SLCO3A1: variants seen among roughly 807,000 people sequenced by gnomAD.
SLCO3A1 encodes solute carrier organic anion transporter family member 3A1.
A neutral mutation model predicts 63.1 loss-of-function variants in SLCO3A1; 27 were observed. The observed-to-expected ratio is 0.43, with a 90% CI of 0.32 to 0.59. The LOEUF (loss-of-function observed/expected upper bound fraction) is 0.59. SLCO3A1 is among the 20% of genes least tolerant of loss of function. The probability of loss-of-function intolerance (pLI) is 0.09; values close to 1 mark genes in which losing one functional copy is unlikely to be tolerated. For synonymous variants in SLCO3A1, 473 were observed against 409.9 expected, an observed-to-expected ratio of 1.15 and a Z score of -1.86; for missense variants, 773 against 945.8, an observed-to-expected ratio of 0.82 and a Z score of 2.40.
chr15:92,030,079 C>T (rs941545212), intron 2 of SLCO3A1, among the ~76,000 whole-genome samples: 3 of 152,178 alleles, frequency 2.0e-5, no homozygotes, highest in African/African-American at 4.8e-5. Context: ...ATCTTGAACA[C>T]GGGCTCTGCC....
intron 2 of SLCO3A1, among the ~76,000 whole-genome samples, chr15:92,048,766 C>T (rs935476195): frequency 6.6e-5 from 10 of 152,096 alleles, no homozygotes; most frequent in African/African-American, 2.2e-4. Context: ...AGGCTAGTGG[C>T]GGGCACCTGT....
In SLCO3A1 at chr15:92,171,917, C is replaced by T; in HGVS notation, c.*55C>T. On this transcript the variant is annotated 3_prime_UTR_variant, in exon 11 of 11. Coordinates refer to the SLCO3A1 transcript ENST00000424469. Reference sequence around the variant, plus strand: ...GAACAGCCCACCACCACCCACAGACCTCGCGGGCCTCACTTAGCGCGCTCC... The same window carrying T: ...GAACAGCCCACCACCACCCACAGACTTCGCGGGCCTCACTTAGCGCGCTCC... 3.7e-6 allele frequency: 5 copies of T among 1,336,404 alleles called. No homozygotes were observed. In the Admixed American group the frequency reaches 9.9e-5, roughly 26 times the overall value. 82.8% of individuals were successfully genotyped at this position (1,336,404 alleles called of 1,614,324 possible).
rs1257148195 is a variant in SLCO3A1, at chr15:92,162,487, C to G, written c.1754-269C>G. 5.2e-5 allele frequency: 21 copies of G among 406,104 alleles called. No homozygotes were observed. The East Asian group carries it at 8.1e-4, about 16-fold the overall frequency. 25.2% of individuals were successfully genotyped at this position (406,104 alleles called of 1,614,324 possible). A position where few individuals can be genotyped will look rare whatever the true frequency, so the allele number is the denominator to read the frequency against. ...GTGTAAAGTTAGTCTTCACAGCCAT[C>G]TGGTGAAGACTGTAGTATTATCATC... On this transcript the variant is annotated intron_variant, in intron 9 of 9. Coordinates refer to ENST00000318445, the MANE Select transcript of SLCO3A1 (RefSeq NM_013272.4).
At chr15:91,901,173 C>A (rs1166117617) in intron 1 of SLCO3A1, among the ~76,000 whole-genome samples, 1 of 152,066 alleles carries the variant, frequency 6.6e-6, no homozygotes, top group Non-Finnish European at 1.5e-5. Context: ...TTAGTGATTG[C>A]ATGTATGATA....
chr15:91,947,330 T>C (rs959821635), intron 2 of SLCO3A1, among the ~76,000 whole-genome samples: 2 of 152,220 alleles, frequency 1.3e-5, no homozygotes, highest in Non-Finnish European at 1.5e-5. Flanking sequence ...TGAATTCCAA[T>C]TCTGTGAAAT....
At chr15:91,867,502 T>C (rs1897193742) in intron 1 of SLCO3A1, among the ~76,000 whole-genome samples, 1 of 151,452 alleles carries the variant, frequency 6.6e-6, no homozygotes, top group Non-Finnish European at 1.5e-5. Context: ...TCCTATTATA[T>C]TTGACTTTTT....
At chr15:92,120,831 C>T (rs2047854752) in intron 5 of SLCO3A1, among the ~76,000 whole-genome samples, 1 of 152,046 alleles carries the variant, frequency 6.6e-6, no homozygotes, top group African/African-American at 2.4e-5. Context: ...GCTAAAAGCA[C>T]ATGATAATAA....
intron 1 of SLCO3A1, among the ~76,000 whole-genome samples, chr15:91,880,817 G>A (rs1352319295): frequency 2.0e-5 from 3 of 152,112 alleles, no homozygotes; most frequent in Non-Finnish European, 4.4e-5. Flanking sequence ...CTGGGAGAGG[G>A]CTTTTGGGGT....
At chr15:92,160,109 G>T (rs2048418549) in intron 9 of SLCO3A1, among the ~76,000 whole-genome samples, 1 of 152,048 alleles carries the variant, frequency 6.6e-6, no homozygotes, top group Non-Finnish European at 1.5e-5. Flanking sequence ...AGAACAAAGT[G>T]AAATGACCTC....
chr15:92,003,951 G>T (rs1245313474), intron 2 of SLCO3A1, among the ~76,000 whole-genome samples: 1 of 152,214 alleles, frequency 6.6e-6, no homozygotes. Flanking sequence ...CTCAGCAGCT[G>T]TAGCTGTCAG....
At chr15:92,161,900 C>T (rs1431575179) in intron 9 of SLCO3A1, 1 of 149,458 alleles carries the variant, frequency 6.7e-6, no homozygotes, top group Non-Finnish European at 1.5e-5. Context: ...GAACACCACA[C>T]ACAGTATGCC....
chr15:91,855,193 T>C (rs1896883507), intron 1 of SLCO3A1, among the ~76,000 whole-genome samples: 1 of 152,190 alleles, frequency 6.6e-6, no homozygotes, highest in South Asian at 2.1e-4. Flanking sequence ...ACCACGCGTA[T>C]CCTGATGCTA....
chr15:92,093,301 C>T (rs1275214127), intron 2 of SLCO3A1, among the ~76,000 whole-genome samples: 1 of 152,148 alleles, frequency 6.6e-6, no homozygotes, highest in East Asian at 1.9e-4. Flanking sequence ...GGAGCAGGCA[C>T]ATTACGTGGC....
At chr15:92,118,287 C>T (rs2047819859) in intron 4 of SLCO3A1, among the ~76,000 whole-genome samples, 1 of 152,222 alleles carries the variant, frequency 6.6e-6, no homozygotes, top group African/African-American at 2.4e-5. Context: ...AGGCCACCAG[C>T]TCTGGTTATC....
chr15:91,942,589 G>C lies in SLCO3A1; in HGVS notation c.646+26131G>C, dbSNP rs1340935064. Among the ~76,000 whole-genome samples, 1 of 152,034 alleles carries C rather than the reference G, an allele frequency of 6.6e-6. No individual in the cohort carries two copies. Among genetic ancestry groups the C allele is most frequent in the Non-Finnish European group, 1.5e-5 (1 of 68,014 alleles). The stretch of plus-strand genomic sequence containing the variant: ...GCTGGAAATGTATGTTTGTTTGTTT[G>C]TTTGTTTGTTTCGAGACCGAGTCTT... On this transcript the variant is annotated intron_variant, in intron 2 of 9. Transcript: ENST00000318445. The surrounding 1 kb of genome is among the most constrained non-coding windows in gnomAD (Gnocchi z 4.1).
Position 92,022,237 on chromosome 15 carries a change from A to C in SLCO3A1, c.647-72644A>C, listed in dbSNP as rs144429584. 5.1e-4 allele frequency among the ~76,000 whole-genome samples: 77 copies of C among 152,358 alleles called. 1 individual carries two copies. In the East Asian group the frequency reaches 0.014, roughly 29 times the overall value. ...TTTTCCAAAATTATTTTTAGCCTCC[A>C]GCTATATATAACTTTTCTTGCTGAC... is the stretch of plus-strand genomic sequence containing the variant. On this transcript the variant is annotated intron_variant, in intron 2 of 9. Transcript: ENST00000318445.
intron 3 of SLCO3A1, among the ~76,000 whole-genome samples, chr15:92,097,214 C>A (rs2047549715): frequency 6.6e-6 from 1 of 152,224 alleles, no homozygotes; most frequent in African/African-American, 2.4e-5. Flanking sequence ...CTTTCCAACT[C>A]TTTCATTTTA....
intron 2 of SLCO3A1, among the ~76,000 whole-genome samples, chr15:92,005,660 A>G (rs1391447647): frequency 1.3e-5 from 2 of 152,124 alleles, no homozygotes; most frequent in African/African-American, 4.8e-5. Context: ...ATGGACCCCT[A>G]TCCTGTGAGA....
At chr15:91,977,885 C>A (rs960642450) in intron 2 of SLCO3A1, among the ~76,000 whole-genome samples, 6 of 152,184 alleles carry the variant, frequency 3.9e-5, no homozygotes, top group African/African-American at 1.4e-4. Context: ...AAATGATCCT[C>A]CCAGGAAACT....
Sources: allele counts gnomAD v4.1 joint callset (sites outside exome capture counted in the v4.1 genomes callset), GRCh38; gene constraint gnomAD v4.1.1; non-coding constraint Gnocchi (gnomAD v3.1); transcripts MANE v1.5; gene names NCBI Gene and HGNC (gene_info 2026-07-23, HGNC 2026-07-21).